SEMA5A: variants seen among roughly 807,000 people sequenced by gnomAD.
SEMA5A encodes semaphorin 5A, also known as semaphorin-5A.
Under a neutral mutation model 135.5 loss-of-function variants are expected in SEMA5A, and 55 were observed. That is an observed-to-expected ratio of 0.41 (90% confidence interval 0.33 to 0.51). The LOEUF is 0.51. Ranked by LOEUF, SEMA5A falls within the 20% of genes least tolerant of loss-of-function variation. SEMA5A has a pLI of 0.37. For missense variants in SEMA5A, 1,290 were observed against 1,419.9 expected (o/e 0.91, Z 1.47); for synonymous variants, 580 against 546.5 (o/e 1.06, Z -0.85).
intron 5 of SEMA5A, among the ~76,000 whole-genome samples, chr5:9,265,220 G>C (rs1749621624): frequency 6.6e-6 from 1 of 152,056 alleles, no homozygotes; most frequent in Non-Finnish European, 1.5e-5. Context: ...TCAGCATCTG[G>C]GAGGAACCAG....
intron 4 of SEMA5A, among the ~76,000 whole-genome samples, chr5:9,326,095 C>T (rs1046938408): frequency 2.6e-5 from 4 of 152,180 alleles, no homozygotes; most frequent in African/African-American, 9.7e-5. Context: ...ACCAGTCTCT[C>T]CTGTCCCTGC....
intron 3 of SEMA5A, among the ~76,000 whole-genome samples, chr5:9,357,130 G>A (rs1322628629): frequency 6.6e-6 from 1 of 152,132 alleles, no homozygotes; most frequent in East Asian, 1.9e-4. Flanking sequence ...CTCTTGGCAA[G>A]CCATTAAAAA....
intron 5 of SEMA5A, among the ~76,000 whole-genome samples, chr5:9,251,066 TG>T (rs2150488424): frequency 6.6e-6 from 1 of 152,234 alleles, no homozygotes; most frequent in East Asian, 1.9e-4. Context: ...CTAATGCCAT[TG>T]TCTCAGGAGT....
chr5:9,182,789 C>A (rs577899292), intron 11 of SEMA5A, among the ~76,000 whole-genome samples: 1 of 151,744 alleles, frequency 6.6e-6, no homozygotes, highest in South Asian at 2.1e-4. Context: ...GAAATTGTAC[C>A]CCAAACTTTA....
intron 1 of SEMA5A, among the ~76,000 whole-genome samples, chr5:9,447,220 C>A (rs921991698): frequency 6.6e-6 from 1 of 152,206 alleles, no homozygotes; most frequent in Non-Finnish European, 1.5e-5. Flanking sequence ...TAAACCCGTG[C>A]AAGCCAATCC....
chr5:9,347,296 T>C (rs564671617), intron 3 of SEMA5A, among the ~76,000 whole-genome samples: 155 of 152,362 alleles, frequency 1.0e-3, no homozygotes, highest in Non-Finnish European at 1.9e-3. Flanking sequence ...TTTGTTGCAT[T>C]AACACATAGT....
chr5:9,289,809 CTTGTGCTCAAAAAT>C (rs531802623), intron 5 of SEMA5A, among the ~76,000 whole-genome samples: 107 of 152,188 alleles, frequency 7.0e-4, no homozygotes, highest in African/African-American at 2.5e-3. Flanking sequence ...ATGTCAATAT[CTTGTGCTCAAAAAT>C]TTATCAGAAA....
At chr5:9,252,947 A>G (rs1408539336) in intron 5 of SEMA5A, among the ~76,000 whole-genome samples, 2 of 152,066 alleles carry the variant, frequency 1.3e-5, no homozygotes, top group East Asian at 3.9e-4. Flanking sequence ...TCCCTACCAG[A>G]ACACAGCTCT....
intron 13 of SEMA5A, among the ~76,000 whole-genome samples, chr5:9,129,404 C>T (rs1345251646): frequency 6.6e-6 from 1 of 152,214 alleles, no homozygotes; most frequent in Non-Finnish European, 1.5e-5. Context: ...TACTACATTT[C>T]AGAATGAGGA....
In SEMA5A at chr5:9,133,782, TTC is replaced by T. The variant is rs1217691897; in HGVS notation, c.1599+2720_1599+2721del. On this transcript the variant is annotated intron_variant, in intron 13 of 22. Transcript: ENST00000382496. ...ATATTAAATCTTTCCTTTTCTTTCTTTCTTTTTTTTTTTTTTGAGACAGGTCT... is the reference window on the plus strand; with the variant it reads ...ATATTAAATCTTTCCTTTTCTTTCTTTTTTTTTTTTTTTTGAGACAGGTCT... Among the ~76,000 whole-genome samples, 494 of 67,118 alleles carry T rather than the reference TTC, an allele frequency of 7.4e-3. 2 individuals carry two copies. Among genetic ancestry groups the T allele is most frequent in the Middle Eastern group, 0.026 (3 of 114 alleles). The allele number at this position is 67,118 out of a possible 152,430, so 44.0% of individuals were successfully genotyped here. A position where few individuals can be genotyped will look rare whatever the true frequency, so the allele number is the denominator to read the frequency against.
At chr5:9,205,077 T>C (rs979777380) in intron 8 of SEMA5A, among the ~76,000 whole-genome samples, 1 of 152,008 alleles carries the variant, frequency 6.6e-6, no homozygotes, top group Non-Finnish European at 1.5e-5. Context: ...CATTACACTA[T>C]ACTGAAAAAA....
intron 1 of SEMA5A, among the ~76,000 whole-genome samples, chr5:9,486,417 T>C (rs1227208754): frequency 2.0e-5 from 3 of 152,196 alleles, no homozygotes; most frequent in African/African-American, 7.2e-5. Flanking sequence ...GTTCTGCACA[T>C]GCATCCTGGA....
rs142198266 is a variant in SEMA5A, at chr5:9,527,876, C to A, written c.-175+17708G>T. 2.2e-3 allele frequency among the ~76,000 whole-genome samples: 338 copies of A among 152,274 alleles called. 2 individuals are homozygous for A. The highest frequency in any genetic ancestry group is 7.7e-3 in the African/African-American group (319 of 41,554). On this transcript the variant is annotated intron_variant, in intron 1 of 22. Coordinates refer to ENST00000382496, the MANE Select transcript of SEMA5A (RefSeq NM_003966.3). ...CAAAATCTGCTCATCTAACCACTAC[C>A]TTTATACTGCCTCAAAATTACAGTG...
intron 15 of SEMA5A, among the ~76,000 whole-genome samples, chr5:9,109,883 C>T (rs543359038): frequency 6.6e-6 from 1 of 152,090 alleles, no homozygotes. Flanking sequence ...TAGCCAGCCA[C>T]CAGGAAAAGA....
intron 4 of SEMA5A, among the ~76,000 whole-genome samples, chr5:9,325,383 A>G (rs1752824750): frequency 6.6e-6 from 1 of 152,200 alleles, no homozygotes. Context: ...AAAGCTATTA[A>G]GTTTGGCAGA....
At chr5:9,166,646 C>T (rs891335677) in intron 11 of SEMA5A, among the ~76,000 whole-genome samples, 1 of 152,178 alleles carries the variant, frequency 6.6e-6, no homozygotes, top group Non-Finnish European at 1.5e-5. Flanking sequence ...GGCTGCCTTG[C>T]TGAACAAAAC....
At chr5:9,104,878 C>T (rs1208914819) in intron 16 of SEMA5A, among the ~76,000 whole-genome samples, 1 of 152,176 alleles carries the variant, frequency 6.6e-6, no homozygotes, top group Non-Finnish European at 1.5e-5. Context: ...TTTTAAGTGT[C>T]TCATTCTGAG....
intron 5 of SEMA5A, among the ~76,000 whole-genome samples, chr5:9,248,902 A>C (rs898255842): frequency 1.3e-5 from 2 of 152,196 alleles, no homozygotes; most frequent in Non-Finnish European, 2.9e-5. Flanking sequence ...CAGAACTGTG[A>C]GAGAAAAAAT....
intron 6 of SEMA5A, among the ~76,000 whole-genome samples, chr5:9,228,393 T>C (rs1486074722): frequency 1.3e-5 from 2 of 152,154 alleles, no homozygotes; most frequent in Non-Finnish European, 2.9e-5. Flanking sequence ...TGTGTCAAAG[T>C]GTCGTGGCTA....
Sources: allele counts gnomAD v4.1 joint callset (sites outside exome capture counted in the v4.1 genomes callset), GRCh38; gene constraint gnomAD v4.1.1; transcripts MANE v1.5; gene names NCBI Gene and HGNC (gene_info 2026-07-23, HGNC 2026-07-21).